Variants in DLC1 observed in about 807,000 individuals in gnomAD.
The protein encoded by DLC1 is rho GTPase-activating protein 7.
In DLC1, 54 loss-of-function variants were observed where a neutral mutation model predicts 140.3. That is an observed-to-expected ratio of 0.38 (90% confidence interval 0.31 to 0.48). The LOEUF (loss-of-function observed/expected upper bound fraction) is 0.48. Among genes scored for constraint, DLC1 ranks in the 20% least tolerant of loss-of-function variants. DLC1 has a pLI of 0.96. For missense variants in DLC1, 2,536 were observed against 1,907.0 expected, an observed-to-expected ratio of 1.33 and a Z score of -6.14; for synonymous variants, 986 against 728.1, an observed-to-expected ratio of 1.35 and a Z score of -5.70.
chr8:13,549,107 T>C (rs1182786447), intron 1 of DLC1, among the ~76,000 whole-genome samples: 1 of 152,068 alleles, frequency 6.6e-6, no homozygotes, highest in Non-Finnish European at 1.5e-5. Flanking sequence ...ATGACTTATT[T>C]TCTTACTCTG....
intron 1 of DLC1, among the ~76,000 whole-genome samples, chr8:13,539,366 A>C (rs896063948): frequency 9.2e-5 from 14 of 151,880 alleles, no homozygotes; most frequent in Admixed American, 9.2e-4. Context: ...CACCCAGCTA[A>C]TTTTTTTGTA....
intron 5 of DLC1, among the ~76,000 whole-genome samples, chr8:13,131,229 C>G (rs549094432): frequency 6.6e-6 from 1 of 152,126 alleles, no homozygotes; most frequent in African/African-American, 2.4e-5. Context: ...AGTCTGTAGT[C>G]CAGATGGATG....
chr8:13,283,579 G>C (rs1297923203), intron 5 of DLC1, among the ~76,000 whole-genome samples: 1 of 152,026 alleles, frequency 6.6e-6, no homozygotes, highest in East Asian at 1.9e-4. Flanking sequence ...GTAGTGGTGC[G>C]ATCTTGGCTC....
chr8:13,549,377 A>T (rs1448034596), intron 1 of DLC1, among the ~76,000 whole-genome samples: 1 of 152,170 alleles, frequency 6.6e-6, no homozygotes, highest in Non-Finnish European at 1.5e-5. Context: ...TGTATTAGAA[A>T]GCACTTCCAT....
At chr8:13,570,624 CTCA>C (rs1280339835) in intron 1 of DLC1, among the ~76,000 whole-genome samples, 1 of 150,876 alleles carries the variant, frequency 6.6e-6, no homozygotes, top group Non-Finnish European at 1.5e-5. Flanking sequence ...AGGACATGAA[CTCA>C]TCATTTTTTA....
intron 2 of DLC1, among the ~76,000 whole-genome samples, chr8:13,462,396 C>A (rs967705568): frequency 6.9e-5 from 9 of 131,106 alleles, no homozygotes; most frequent in Admixed American, 5.4e-4. Context: ...CATTACTATT[C>A]TTTTTTTTTT....
chr8:13,541,758 C>G (rs1034732725), intron 1 of DLC1, among the ~76,000 whole-genome samples: 3 of 152,148 alleles, frequency 2.0e-5, no homozygotes, highest in Non-Finnish European at 4.4e-5. Flanking sequence ...ACCGTGTTGG[C>G]CAGGATGATC....
At position 13,091,293 on chromosome 8, in the gene DLC1, G is replaced by A. The variant is rs949973619; in HGVS notation, c.3855+25C>T. On this transcript the variant is annotated intron_variant, in intron 14 of 17. Coordinates refer to ENST00000276297, the MANE Select transcript of DLC1 (RefSeq NM_182643.3). ...ACCTATTCACATTATCCTTAATAAA[G>A]GAGCCAAACTTCTCAATTCCTTACC... is the stretch of plus-strand genomic sequence containing the variant. The A allele has an allele frequency of 5.6e-6, 9 of 1,610,626 alleles. No homozygotes were observed. In the African/African-American group the frequency reaches 1.1e-4, roughly 19 times the overall value.
At chr8:13,176,007 A>G (rs1438913164) in intron 5 of DLC1, among the ~76,000 whole-genome samples, 2 of 152,210 alleles carry the variant, frequency 1.3e-5, no homozygotes, top group Admixed American at 6.5e-5. Flanking sequence ...AGAATAATTT[A>G]TCTACTTTTT....
At chr8:13,208,223 A>T (rs181195547) in intron 5 of DLC1, among the ~76,000 whole-genome samples, 11 of 152,286 alleles carry the variant, frequency 7.2e-5, no homozygotes, top group Admixed American at 3.3e-4. Flanking sequence ...TCATGAGGTT[A>T]TATATGTATA....
rs564492315 is a variant in DLC1 at position 13,239,304 on chromosome 8, C to G, written c.1348+65965G>C. Reference sequence around the variant, plus strand: ...TCAGGGAAGAGCGGGGCAAATAATCCAGTACTGGGATGCTGTGTAGGTCAA... The same window carrying G: ...TCAGGGAAGAGCGGGGCAAATAATCGAGTACTGGGATGCTGTGTAGGTCAA... On this transcript the variant is annotated intron_variant, in intron 5 of 17. Coordinates refer to ENST00000276297, the MANE Select transcript of DLC1 (RefSeq NM_182643.3). Among the ~76,000 whole-genome samples, 41 of 151,772 alleles carry G rather than the reference C, an allele frequency of 2.7e-4. No homozygotes were observed. The South Asian group carries it at 8.3e-3, about 31-fold the overall frequency.
chr8:13,471,858 C>T (rs1800224825), intron 2 of DLC1, among the ~76,000 whole-genome samples: 1 of 152,184 alleles, frequency 6.6e-6, no homozygotes, highest in Non-Finnish European at 1.5e-5. Flanking sequence ...CTCCCAAGCT[C>T]ACTGGGTGAC....
chr8:13,239,602 A>G (rs890268552), intron 5 of DLC1, among the ~76,000 whole-genome samples: 1 of 152,162 alleles, frequency 6.6e-6, no homozygotes, highest in Admixed American at 6.5e-5. Context: ...CCATGCTCTA[A>G]GCAACCAACG....
intron 5 of DLC1, among the ~76,000 whole-genome samples, chr8:13,122,768 T>TA (rs1332077641): frequency 2.5e-5 from 3 of 119,396 alleles, no homozygotes; most frequent in African/African-American, 1.0e-4. Context: ...CTCAGGTGCC[T>TA]AAAAAAATTC....
chr8:13,357,749 T>C (rs1586200456), intron 4 of DLC1, among the ~76,000 whole-genome samples: 2 of 152,218 alleles, frequency 1.3e-5, no homozygotes, highest in South Asian at 2.1e-4. Context: ...ATGTTTGCAA[T>C]AGATATGTTG....
chr8:13,458,523 T>C (rs1359555630), intron 2 of DLC1, among the ~76,000 whole-genome samples: 1 of 152,202 alleles, frequency 6.6e-6, no homozygotes, highest in Non-Finnish European at 1.5e-5. Flanking sequence ...AATGCTAAGT[T>C]GGCATTTGAA....
intron 5 of DLC1, among the ~76,000 whole-genome samples, chr8:13,258,607 A>G (rs1299396193): frequency 6.6e-6 from 1 of 152,058 alleles, no homozygotes; most frequent in East Asian, 1.9e-4. Context: ...TTTGAGCTTG[A>G]GTTTTCTCTT....
At chr8:13,567,560 C>T in intron 1 of DLC1, 1 of 1,551,740 alleles carries the variant, frequency 6.4e-7, no homozygotes, top group Non-Finnish European at 8.7e-7. Context: ...CAGGAGGCAG[C>T]AGCTAAGCAA....
intron 5 of DLC1, among the ~76,000 whole-genome samples, chr8:13,277,691 T>C (rs1413628945): frequency 6.6e-6 from 1 of 152,194 alleles, no homozygotes; most frequent in Non-Finnish European, 1.5e-5. Context: ...TTATTAATCC[T>C]CTTTTTTTTT....
Sources: allele counts gnomAD v4.1 joint callset (sites outside exome capture counted in the v4.1 genomes callset), GRCh38; gene constraint gnomAD v4.1.1; transcripts MANE v1.5; gene names NCBI Gene and HGNC (gene_info 2026-07-23, HGNC 2026-07-21).